The following ZNF718 variants were observed in gnomAD, a reference collection of about 807,000 sequenced individuals.
ZNF718 encodes zinc finger protein 718.
ZNF718 carries 3 observed loss-of-function variants against 2.6 expected under a neutral mutation model. The observed-to-expected ratio is 1.16, with a 90% CI of 0.53 to 3.01. The LOEUF is 3.01. ZNF718 is among the 30% of genes most tolerant of loss of function. The probability of loss-of-function intolerance (pLI) is 0.03; values close to 1 mark genes in which losing one functional copy is unlikely to be tolerated. For missense variants in ZNF718, 468 were observed against 230.0 expected (o/e 2.03, Z -6.69); for synonymous variants, 135 against 77.9 (o/e 1.73, Z -3.86).
In ZNF718 at chr4:161,286, T is replaced by A; in HGVS notation, c.601T>A (p.Cys201Ser). 1.3e-6 allele frequency: 1 copy of A among 782,130 alleles called. No individual in the cohort carries two copies. The highest frequency in any genetic ancestry group is 2.4e-6 in the Non-Finnish European group (1 of 419,466). The allele number at this position is 782,130 out of a possible 1,614,324, so 48.4% of individuals were successfully genotyped here. A position where few individuals can be genotyped will look rare whatever the true frequency, so the allele number is the denominator to read the frequency against. The change falls in exon 4 of 4, where the codon TGT (cysteine) becomes AGT (serine). Residue 201 changes from cysteine (C) to serine (S), a missense_variant. By Grantham distance (112) the Cys-to-Ser change is moderately radical. Transcript: ENST00000510175. ...RIHTGENPYT[C>S]EECGKAFNWS... is the part of the protein sequence containing the mutation. Reference sequence around the variant, plus strand: ...TCATACTGGAGAGAACCCCTACACATGTGAAGAATGTGGCAAAGCCTTTAA... The same window carrying A: ...TCATACTGGAGAGAACCCCTACACAAGTGAAGAATGTGGCAAAGCCTTTAA...
chr4:126,457 T>G (rs1158009509), intron 1 of ZNF718, among the ~76,000 whole-genome samples: 2 of 152,248 alleles, frequency 1.3e-5, no homozygotes, highest in Non-Finnish European at 2.9e-5. Flanking sequence ...ACTATTGCTT[T>G]GAAATGTGAA....
At position 163,959 on chromosome 4, in the gene ZNF718, A is replaced by G. The variant is rs1405241774; in HGVS notation, c.*1837A>G. 6.6e-6 allele frequency: 1 copy of G among 152,128 alleles called. No homozygotes were observed. The highest frequency in any genetic ancestry group is 2.4e-5 in the African/African-American group (1 of 41,472). The allele number at this position is 152,128 out of a possible 1,614,324, so 9.4% of individuals were successfully genotyped here. A position where few individuals can be genotyped will look rare whatever the true frequency, so the allele number is the denominator to read the frequency against. The stretch of plus-strand genomic sequence containing the variant: ...ATACAGACATGCAACATGTAATCAC[A>G]TCAGAGTAAATGAGTTATTCATCAC... On this transcript the variant is annotated 3_prime_UTR_variant, in exon 4 of 4. Transcript: ENST00000510175.
At chr4:185,673 G>A (rs1443755572) in intron 3 of ZNF718, among the ~76,000 whole-genome samples, 4 of 152,216 alleles carry the variant, frequency 2.6e-5, no homozygotes, top group African/African-American at 7.2e-5. Flanking sequence ...ATGAATCAGG[G>A]TGCTCCTGTG....
In ZNF718 at chr4:124,632, T is replaced by C. The variant is rs530267557; in HGVS notation, c.-39T>C. The C allele has an allele frequency of 1.4e-5, 22 of 1,605,470 alleles. No homozygotes were observed. In the South Asian group the frequency reaches 2.2e-4, roughly 16 times the overall value. Reference sequence around the variant, plus strand: ...TCTGTGACCTGCCGGTATTGGATGATTCGTATCTAAGACTCTGGGACACTC... The same window carrying C: ...TCTGTGACCTGCCGGTATTGGATGACTCGTATCTAAGACTCTGGGACACTC... On this transcript the variant is annotated 5_prime_UTR_variant, in exon 1 of 4. Transcript: ENST00000510175.
chr4:189,249 T>C (rs548319912), intron 3 of ZNF718, among the ~76,000 whole-genome samples: 33 of 152,192 alleles, frequency 2.2e-4, no homozygotes, highest in Admixed American at 1.6e-3. Flanking sequence ...TCATTGGGTA[T>C]TTTGATCATA....
At chr4:183,604 C>T (rs1404292508) in intron 3 of ZNF718, among the ~76,000 whole-genome samples, 1 of 152,102 alleles carries the variant, frequency 6.6e-6, no homozygotes, top group African/African-American at 2.4e-5. Context: ...GGTAGTATGG[C>T]CATTTTCATG....
intron 3 of ZNF718, among the ~76,000 whole-genome samples, chr4:191,902 G>A (rs1717700290): frequency 6.6e-6 from 1 of 152,126 alleles, no homozygotes; most frequent in Non-Finnish European, 1.5e-5. Flanking sequence ...CCAAGGAATG[G>A]AACCTTGGGC....
intron 3 of ZNF718, among the ~76,000 whole-genome samples, chr4:137,586 AT>A (rs1482693867): frequency 6.6e-6 from 1 of 151,894 alleles, no homozygotes; most frequent in Non-Finnish European, 1.5e-5. Flanking sequence ...TTTGCTTTAC[AT>A]TTTTCTAAAG....
chr4:165,573 T>C (rs1581469118), downstream of ZNF718, among the ~76,000 whole-genome samples: 1 of 152,052 alleles, frequency 6.6e-6, no homozygotes, highest in South Asian at 2.1e-4. Flanking sequence ...CTGAGGTGGG[T>C]GGATAACCTG....
chr4:174,705 C>T (rs544278426), intron 3 of ZNF718, among the ~76,000 whole-genome samples: 2 of 152,148 alleles, frequency 1.3e-5, no homozygotes, highest in Non-Finnish European at 2.9e-5. Flanking sequence ...CCTTTACTGG[C>T]TGGGTTGAAG....
intron 3 of ZNF718, among the ~76,000 whole-genome samples, chr4:153,382 C>T (rs1260920866): frequency 2.0e-5 from 3 of 151,986 alleles, no homozygotes; most frequent in Non-Finnish European, 4.4e-5. Context: ...CTCAGGATTT[C>T]TTTGGCTATT....
chr4:145,011 G>A (rs1322865836), intron 3 of ZNF718, among the ~76,000 whole-genome samples: 1 of 151,704 alleles, frequency 6.6e-6, no homozygotes, highest in East Asian at 1.9e-4. Context: ...TTATTGGCAT[G>A]GAATATTCTT....
In ZNF718 at chr4:133,177, TAAA is replaced by T. The variant is rs1189716766; in HGVS notation, c.226+1689_226+1691del. ...TGGGCAACACAGCAAGACTCCATCTTAAAAAAAAAAAAAAAAAAATATATATAT... is the reference window on the plus strand; with the variant it reads ...TGGGCAACACAGCAAGACTCCATCTTAAAAAAAAAAAAAAAATATATATAT... On this transcript the variant is annotated intron_variant, in intron 3 of 3. Coordinates refer to ENST00000510175, the MANE Select transcript of ZNF718 (RefSeq NM_001039127.6). Among the ~76,000 whole-genome samples, 92 of 12,510 alleles carry T rather than the reference TAAA, an allele frequency of 7.4e-3. 9 individuals carry two copies. Among genetic ancestry groups the T allele is most frequent in the African/African-American group, 0.022 (76 of 3,532 alleles). The allele number at this position is 12,510 out of a possible 152,430, so 8.2% of individuals were successfully genotyped here.
chr4:138,966 CTTAT>C (rs1210931313), intron 3 of ZNF718, among the ~76,000 whole-genome samples: 4 of 152,050 alleles, frequency 2.6e-5, no homozygotes, highest in African/African-American at 9.7e-5. Flanking sequence ...AAATTTTTTG[CTTAT>C]TTATCATCAG....
intron 3 of ZNF718, among the ~76,000 whole-genome samples, chr4:159,320 G>A (rs564098700): frequency 1.3e-5 from 2 of 152,130 alleles, no homozygotes; most frequent in South Asian, 2.1e-4. Context: ...ACAGGTCTGA[G>A]CCACTGTGCC....
chr4:124,977 C>T (rs141845826), intron 1 of ZNF718: 136 of 346,452 alleles, frequency 3.9e-4, no homozygotes, highest in African/African-American at 2.8e-3. Flanking sequence ...AGCTGTGGTC[C>T]GGAATCCCGT....
chr4:174,710 T>C (rs1581475562), intron 3 of ZNF718, among the ~76,000 whole-genome samples: 1 of 152,156 alleles, frequency 6.6e-6, no homozygotes, highest in African/African-American at 2.4e-5. Flanking sequence ...ACTGGCTGGG[T>C]TGAAGAATCT....
intron 3 of ZNF718, among the ~76,000 whole-genome samples, chr4:135,621 AGTGATTTTGGGG>A (rs1407127884): frequency 6.6e-6 from 1 of 150,860 alleles, no homozygotes; most frequent in Non-Finnish European, 1.5e-5. Context: ...GGTTTAGCTT[AGTGATTTTGGGG>A]GCCCCAAGAG....
rs946656869 is a variant in ZNF718 at position 149,959 on chromosome 4, A to G, written c.227-10953A>G. ...TTAAGTATATTTACATTATATTGCA[A>G]TGGGTGTCTAGATTTATTTTATCTT... On this transcript the variant is annotated intron_variant, in intron 3 of 3. Coordinates refer to ENST00000510175, the MANE Select transcript of ZNF718 (RefSeq NM_001039127.6). The G allele has an allele frequency of 3.5e-4, 54 of 152,258 alleles. 1 individual carries two copies. Among genetic ancestry groups the G allele is most frequent in the Admixed American group, 2.6e-4 (4 of 15,292 alleles). The allele number at this position is 152,258 out of a possible 1,614,324, so 9.4% of individuals were successfully genotyped here. A position where few individuals can be genotyped will look rare whatever the true frequency, so the allele number is the denominator to read the frequency against.
Sources: allele counts gnomAD v4.1 joint callset (sites outside exome capture counted in the v4.1 genomes callset), GRCh38; gene constraint gnomAD v4.1.1; transcripts MANE v1.5; gene names NCBI Gene and HGNC (gene_info 2026-07-23, HGNC 2026-07-21).